Variants in TNNI3K observed in about 807,000 individuals in gnomAD.
TNNI3K encodes the protein serine/threonine-protein kinase TNNI3K.
Under a neutral mutation model 114.5 loss-of-function variants are expected in TNNI3K, and 140 were observed. The observed-to-expected ratio is 1.22, with a 90% CI of 1.07 to 1.41. The LOEUF (loss-of-function observed/expected upper bound fraction) is 1.41, where lower values mean the gene tolerates loss of function less well. TNNI3K is among the 40% of genes most tolerant of loss of function. The pLI, the probability that TNNI3K is intolerant of heterozygous loss-of-function variation, is 0.00. For synonymous variants in TNNI3K, 347 were observed against 347.5 expected, an observed-to-expected ratio of 1.00 and a Z score of 0.02; for missense variants, 1,125 against 1,007.6, an observed-to-expected ratio of 1.12 and a Z score of -1.58.
At chr1:74,294,380 A>G (rs74093653) in intron 5 of TNNI3K, among the ~76,000 whole-genome samples, 4,320 of 152,070 alleles carry the variant, frequency 0.028, 214 homozygotes, top group African/African-American at 0.1. Context: ...AATGTGTTCA[A>G]ATTATGAATT....
intron 2 of TNNI3K, among the ~76,000 whole-genome samples, chr1:74,242,305 G>A (rs1398698080): frequency 6.6e-6 from 1 of 152,074 alleles, no homozygotes; most frequent in Non-Finnish European, 1.5e-5. Flanking sequence ...AGAATGCTCT[G>A]TTCCATTAAA....
chr1:74,476,164 T>C (rs899558951), intron 21 of TNNI3K, among the ~76,000 whole-genome samples: 1 of 152,198 alleles, frequency 6.6e-6, no homozygotes, highest in Non-Finnish European at 1.5e-5. Flanking sequence ...ACTCTCATAA[T>C]AGAGTGAATG....
chr1:74,410,528 T>C (rs945272196), intron 17 of TNNI3K, among the ~76,000 whole-genome samples: 3 of 152,214 alleles, frequency 2.0e-5, no homozygotes, highest in African/African-American at 7.2e-5. Context: ...TAGTTTTATT[T>C]GTGTTTCACT....
intron 21 of TNNI3K, among the ~76,000 whole-genome samples, chr1:74,479,743 T>C (rs1668384857): frequency 6.6e-6 from 1 of 152,250 alleles, no homozygotes; most frequent in Non-Finnish European, 1.5e-5. Context: ...GGAAAGAGTC[T>C]ATGTCCCATC....
At chr1:74,361,909 A>G (rs1304537144) in intron 11 of TNNI3K, among the ~76,000 whole-genome samples, 4 of 152,172 alleles carry the variant, frequency 2.6e-5, no homozygotes, top group Non-Finnish European at 5.9e-5. Flanking sequence ...TGGCAAAAGC[A>G]TTCATGCCTG....
chr1:74,414,594 A>G (rs1416519626), intron 17 of TNNI3K, among the ~76,000 whole-genome samples: 1 of 152,204 alleles, frequency 6.6e-6, no homozygotes, highest in Non-Finnish European at 1.5e-5. Context: ...TGCTTGTTTT[A>G]GGGCAAATGC....
rs45483108 is a variant in TNNI3K at position 74,474,771 on chromosome 1, C to A, written c.2121+11221C>A. Among the ~76,000 whole-genome samples the A allele has an allele frequency of 2.7e-3, 418 of 152,214 alleles. 2 individuals carry two copies. The highest frequency in any genetic ancestry group is 9.7e-3 in the African/African-American group (401 of 41,538). On this transcript the variant is annotated intron_variant, in intron 21 of 24. Coordinates refer to ENST00000326637, the MANE Select transcript of TNNI3K (RefSeq NM_015978.3). Reference sequence around the variant, plus strand: ...TGTGGGACAATGAATTAAGTCCTGACTTTCCCTGGACTGGGAAGTTATCAT... The same window carrying A: ...TGTGGGACAATGAATTAAGTCCTGAATTTCCCTGGACTGGGAAGTTATCAT...
At chr1:74,406,423 T>C (rs558244160) in intron 17 of TNNI3K, among the ~76,000 whole-genome samples, 11 of 152,302 alleles carry the variant, frequency 7.2e-5, no homozygotes, top group Admixed American at 5.9e-4. Flanking sequence ...AGCCAAAAAA[T>C]TGGGCACCCC....
intron 17 of TNNI3K, among the ~76,000 whole-genome samples, chr1:74,419,079 A>C (rs937923631): frequency 4.6e-5 from 7 of 152,100 alleles, no homozygotes; most frequent in Non-Finnish European, 1.0e-4. Context: ...AACAACAGGA[A>C]GTTATTCTTT....
intron 23 of TNNI3K, among the ~76,000 whole-genome samples, chr1:74,507,013 G>C (rs1477015951): frequency 1.3e-5 from 2 of 151,884 alleles, no homozygotes; most frequent in Non-Finnish European, 2.9e-5. Context: ...CAATTGACAA[G>C]GTTCATTAAA....
intron 2 of TNNI3K, chr1:74,240,740 A>T (rs1466401523): frequency 6.6e-6 from 1 of 151,950 alleles, no homozygotes; most frequent in Non-Finnish European, 1.5e-5. Context: ...ATTTAAAACC[A>T]TGAGAATACT....
At chr1:74,459,416 G>T (rs1274348764) in intron 20 of TNNI3K, among the ~76,000 whole-genome samples, 2 of 152,080 alleles carry the variant, frequency 1.3e-5, no homozygotes, top group Non-Finnish European at 2.9e-5. Context: ...TACATAGGAA[G>T]GGTACCCAGG....
intron 17 of TNNI3K, among the ~76,000 whole-genome samples, chr1:74,421,317 C>T (rs1353022764): frequency 6.6e-6 from 1 of 152,048 alleles, no homozygotes; most frequent in Non-Finnish European, 1.5e-5. Flanking sequence ...TGTTTACAGC[C>T]AAGTGGGCGT....
intron 5 of TNNI3K, among the ~76,000 whole-genome samples, chr1:74,304,770 T>C (rs1658524801): frequency 6.6e-6 from 1 of 152,176 alleles, no homozygotes; most frequent in Non-Finnish European, 1.5e-5. Context: ...TAAATCAAGG[T>C]ATTACATTGT....
chr1:74,375,569 T>C (rs1259090411), intron 17 of TNNI3K: 1 of 455,242 alleles, frequency 2.2e-6, no homozygotes, highest in Non-Finnish European at 4.4e-6. Context: ...TTGCAGATGC[T>C]GTACAGGATG....
intron 23 of TNNI3K, among the ~76,000 whole-genome samples, chr1:74,518,395 C>T (rs1030152865): frequency 2.0e-5 from 3 of 152,094 alleles, no homozygotes; most frequent in Non-Finnish European, 4.4e-5. Flanking sequence ...ACAGCATTTT[C>T]GTTCTTCTTC....
intron 20 of TNNI3K, among the ~76,000 whole-genome samples, chr1:74,445,165 A>C (rs1473716298): frequency 6.6e-6 from 1 of 152,200 alleles, no homozygotes; most frequent in Non-Finnish European, 1.5e-5. Flanking sequence ...AATGTGGCAA[A>C]AGCAAAAATT....
chr1:74,289,302 A>G (rs1024411980), intron 5 of TNNI3K, among the ~76,000 whole-genome samples: 3 of 151,980 alleles, frequency 2.0e-5, no homozygotes, highest in Non-Finnish European at 2.9e-5. Flanking sequence ...TTTTGTCTTT[A>G]AAAATTTTTG....
intron 7 of TNNI3K, among the ~76,000 whole-genome samples, chr1:74,340,370 T>C: frequency 6.6e-6 from 1 of 152,180 alleles, no homozygotes; most frequent in East Asian, 1.9e-4. Flanking sequence ...AATAGAATGT[T>C]ATTCATGCAT....
Sources: gnomAD v4.1 joint callset for allele counts (sites outside exome capture counted in the v4.1 genomes callset) on GRCh38, gnomAD v4.1.1 for gene constraint, MANE v1.5 for transcripts, NCBI Gene and HGNC (gene_info 2026-07-23, HGNC 2026-07-21) for gene names.